The following MAP4 variants were observed in gnomAD, a reference collection of about 807,000 sequenced individuals.
MAP4 encodes microtubule-associated protein 4.
A neutral mutation model predicts 170.2 loss-of-function variants in MAP4; 76 were observed. The observed-to-expected ratio is 0.45, with a 90% CI of 0.37 to 0.54. The LOEUF (loss-of-function observed/expected upper bound fraction) is 0.54, where lower values mean the gene tolerates loss of function less well. Among genes scored for constraint, MAP4 ranks in the 20% least tolerant of loss-of-function variants. The probability of loss-of-function intolerance (pLI) is 0.00; values close to 1 mark genes in which losing one functional copy is unlikely to be tolerated. For synonymous variants in MAP4, 909 were observed against 994.5 expected (o/e 0.91, Z 1.62); for missense variants, 2,506 against 2,748.0 (o/e 0.91, Z 1.97).
In MAP4 at chr3:47,891,860, G is replaced by A. The variant is rs1247299665; in HGVS notation, c.5434+11090C>T. The A allele has an allele frequency of 3.3e-6, 5 of 1,536,156 alleles. No homozygotes were observed. In the Admixed American group the frequency reaches 5.9e-5, roughly 18 times the overall value. On this transcript the variant is annotated intron_variant, in intron 10 of 20. Transcript: ENST00000683076. ...CACCCCAATCACTGGGCAGCCAGGGGTGATGCTATTCTCCATCTCTCCCGG... is the reference window on the plus strand; with the variant it reads ...CACCCCAATCACTGGGCAGCCAGGGATGATGCTATTCTCCATCTCTCCCGG...
At chr3:47,981,153 A>T (rs935519812) in intron 2 of MAP4, among the ~76,000 whole-genome samples, 2 of 152,350 alleles carry the variant, frequency 1.3e-5, no homozygotes, top group East Asian at 3.9e-4. Flanking sequence ...TAAAAACAAC[A>T]AATGTCCACC....
intron 1 of MAP4, among the ~76,000 whole-genome samples, chr3:48,061,604 C>T (rs1461235585): frequency 2.0e-5 from 3 of 151,830 alleles, no homozygotes; most frequent in Admixed American, 1.3e-4. Flanking sequence ...AGCCTCTGCC[C>T]GGCCGCCACC....
intron 3 of MAP4, among the ~76,000 whole-genome samples, chr3:47,976,095 T>C (rs2100081999): frequency 6.6e-6 from 1 of 152,136 alleles, no homozygotes; most frequent in Admixed American, 6.5e-5. Flanking sequence ...CGGCCTAGTA[T>C]CTATTTTAAT....
Position 47,912,254 on chromosome 3 carries a change from C to CA in MAP4, c.2166dup (p.Glu723Ter), listed in dbSNP as rs1299302776. 6.5e-7 allele frequency: 1 copy of CA among 1,536,112 alleles called. No homozygotes were observed. The highest frequency in any genetic ancestry group is 1.2e-5 in the South Asian group (1 of 84,062). ...GATGAACCAGAGACCCAACCTGACT[C>CA]AGACAAAGAGCAGTGGCCCAGCCTG... is the stretch of plus-strand genomic sequence containing the variant. On this transcript the variant is annotated frameshift_variant, in exon 9 of 21. Coordinates refer to ENST00000683076, the MANE Select transcript of MAP4 (RefSeq NM_001385682.1). LOFTEE classifies it high-confidence loss of function.
At position 47,910,371 on chromosome 3, in the gene MAP4, A is replaced by G. The variant is rs1271340029; in HGVS notation, c.4050T>C (p.Asn1350=). The G allele has an allele frequency of 2.6e-6, 4 of 1,537,702 alleles. No homozygotes were observed. Among genetic ancestry groups the G allele is most frequent in the East Asian group, 2.4e-5 (1 of 41,028 alleles). ...GTTTGTCAGCCACTGCAGTGTATCT[A>G]TTGGCTGCATCTGTCTTATTCTCCT... is the stretch of plus-strand genomic sequence containing the variant. ...VSEENKTDAA[N]RYTAVADKPS... The change falls in exon 9 of 21, where the codon AAT becomes AAC. Residue 1350 remains asparagine (N), a synonymous_variant. Coordinates refer to ENST00000683076, the MANE Select transcript of MAP4 (RefSeq NM_001385682.1).
Position 47,853,243 on chromosome 3 carries a change from C to T in MAP4, c.6806G>A (p.Gly2269Asp). The T allele has an allele frequency of 6.3e-7, 1 of 1,588,470 alleles. No individual in the cohort carries two copies. Among genetic ancestry groups the T allele is most frequent in the Non-Finnish European group, 8.6e-7 (1 of 1,165,778 alleles). Residue 2269 changes from glycine (G) to aspartate (D), a missense_variant, in exon 20 of 21, where the codon GGC becomes GAC. Around this residue, in one of 3 missense-constraint regions of MAP4, gnomAD observed 487 missense variants for 511.6 expected, o/e 0.95. Transcript: ENST00000683076. The stretch of plus-strand genomic sequence containing the variant: ...TGACAGGGTGGGGTGGCCATTGAGG[C>T]CACTGGCTGAAGTGGGGGCGCCAGC... ...PEAGAPTSAS[G>D]LNGHPTLSGG...
intron 4 of MAP4, among the ~76,000 whole-genome samples, chr3:47,922,975 G>A (rs369534336): frequency 7.8e-4 from 118 of 152,162 alleles, no homozygotes; most frequent in African/African-American, 2.7e-3. Flanking sequence ...GCTTGAACAC[G>A]GGAGGCAGAG....
chr3:47,909,529 T>G lies in MAP4; in HGVS notation c.4892A>C (p.Gln1631Pro). The G allele has an allele frequency of 2.5e-6, 4 of 1,613,092 alleles. No homozygotes were observed. Among genetic ancestry groups the G allele is most frequent in the Non-Finnish European group, 3.4e-6 (4 of 1,179,894 alleles). Residue 1631 changes from glutamine to proline, a missense_variant, in exon 9 of 21, where the codon CAA becomes CCA. Physicochemically the swap from Gln to Pro is moderately conservative, Grantham distance 76. Transcript: ENST00000683076. ...QIPDLLEDKA[Q>P]KLSFCEDQNA... is the part of the protein sequence containing the mutation. ...TTGGTCCTCACAAAAACTGAGCTTT[T>G]GTGCTTTGTCTTCCAGTAAGTCAGG...
At chr3:47,986,711 C>A (rs753485234) in intron 2 of MAP4, among the ~76,000 whole-genome samples, 3 of 151,808 alleles carry the variant, frequency 2.0e-5, no homozygotes, top group African/African-American at 7.3e-5. Context: ...TTTTTTTCCC[C>A]AAAAAGAACT....
chr3:47,859,902 G>GT (rs1434623187), intron 17 of MAP4, among the ~76,000 whole-genome samples: 5 of 152,216 alleles, frequency 3.3e-5, no homozygotes, highest in African/African-American at 1.2e-4. Flanking sequence ...TGACACCACT[G>GT]TAAGTGCTTT....
intron 1 of MAP4, among the ~76,000 whole-genome samples, chr3:48,058,016 C>T (rs1482751943): frequency 1.3e-5 from 2 of 152,102 alleles, no homozygotes; most frequent in African/African-American, 2.4e-5. Context: ...TACACCAAAG[C>T]CTAGAACATA....
chr3:48,036,480 T>C (rs2100118774), intron 1 of MAP4, among the ~76,000 whole-genome samples: 1 of 152,230 alleles, frequency 6.6e-6, no homozygotes, highest in Admixed American at 6.5e-5. Context: ...TCATTTATCA[T>C]ATTTCTGTGT....
At chr3:48,003,470 AAAAC>A (rs1343084479) in intron 1 of MAP4, among the ~76,000 whole-genome samples, 6 of 151,262 alleles carry the variant, frequency 4.0e-5, no homozygotes, top group South Asian at 2.1e-4. Context: ...AAAAAAAAAA[AAAAC>A]ATATTAAATT....
chr3:47,995,011 C>T (rs2100094555), intron 2 of MAP4, among the ~76,000 whole-genome samples: 1 of 151,520 alleles, frequency 6.6e-6, no homozygotes, highest in African/African-American at 2.4e-5. Flanking sequence ...CGAGTGGTTA[C>T]TCCAGGAAGG....
At position 48,056,956 on chromosome 3, in the gene MAP4, G is replaced by C. The variant is rs1336569733; in HGVS notation, c.-20+31817C>G. Among the ~76,000 whole-genome samples, 5 of 126,096 alleles carry C rather than the reference G, an allele frequency of 4.0e-5. No homozygotes were observed. In the South Asian group the frequency reaches 1.1e-3, roughly 28 times the overall value. The allele number at this position is 126,096 out of a possible 152,430, so 82.7% of individuals were successfully genotyped here. A position where few individuals can be genotyped will look rare whatever the true frequency, so the allele number is the denominator to read the frequency against. ...AGGTGGGGGGTTCAGCCCCCCGCCCGGCCAGCCGCCCCGTCCGGGAGGGAG... is the reference window on the plus strand; with the variant it reads ...AGGTGGGGGGTTCAGCCCCCCGCCCCGCCAGCCGCCCCGTCCGGGAGGGAG... On this transcript the variant is annotated intron_variant, in intron 1 of 18. Coordinates refer to the MAP4 transcript ENST00000360240.
chr3:47,921,862 G>A lies in MAP4; in HGVS notation c.432C>T (p.Tyr144=). The A allele has an allele frequency of 1.3e-6, 2 of 1,553,450 alleles. No homozygotes were observed. The highest frequency in any genetic ancestry group is 3.3e-5 in the Admixed American group (2 of 59,936). ...DPIQTDPFKM[Y]HDDDLADLVF... ...CCAAATCTGCCAGGTCATCATCATG[G>A]TACATCTTAAAGGGATCTGGAATAT... The change falls in exon 5 of 21, where the codon TAC becomes TAT. Residue 144 remains tyrosine (Y), a synonymous_variant. Transcript: ENST00000683076.
In MAP4 at chr3:47,909,652, G is replaced by A; in HGVS notation, c.4769C>T (p.Ala1590Val). The A allele has an allele frequency of 1.9e-6, 3 of 1,613,914 alleles. No homozygotes were observed. Among genetic ancestry groups the A allele is most frequent in the Non-Finnish European group, 1.7e-6 (2 of 1,179,884 alleles). The change falls in exon 9 of 21, where the codon GCC becomes GTC. Residue 1590 changes from alanine to valine, a missense_variant. By Grantham distance (64) the Ala-to-Val change is moderately conservative. Transcript: ENST00000683076. ...PVEDQSLPGE[A>V]RALEGYADRG... ...ATCTGCATATCCTTCTAGGGCTCTG[G>A]CCTCTCCTGGTAGGCTCTGGTCTTC... is the stretch of plus-strand genomic sequence containing the variant.
At chr3:48,025,850 A>C (rs1269997501) in intron 1 of MAP4, among the ~76,000 whole-genome samples, 1 of 151,032 alleles carries the variant, frequency 6.6e-6, no homozygotes, top group Non-Finnish European at 1.5e-5. Context: ...CAGTGAGCCG[A>C]GATCGTACCA....
chr3:47,929,875 T>G (rs2100048450), intron 3 of MAP4, among the ~76,000 whole-genome samples: 1 of 152,098 alleles, frequency 6.6e-6, no homozygotes, highest in Non-Finnish European at 1.5e-5. Context: ...ATGCCTGTAA[T>G]CCCTGCACTT....
Sources: allele counts gnomAD v4.1 joint callset (sites outside exome capture counted in the v4.1 genomes callset), GRCh38; gene constraint gnomAD v4.1.1; regional missense constraint gnomAD v4.1.1; transcripts MANE v1.5; gene names NCBI Gene and HGNC (gene_info 2026-07-23, HGNC 2026-07-21).